NELL1: variants seen among roughly 807,000 people sequenced by gnomAD.
The protein encoded by NELL1 is protein kinase C-binding protein NELL1.
NELL1 carries 76 observed loss-of-function variants against 107.4 expected under a neutral mutation model. That is an observed-to-expected ratio of 0.71 (90% CI 0.59 to 0.86). NELL1 has a LOEUF of 0.86. NELL1 is among the 40% of genes least tolerant of loss of function. NELL1 has a pLI of 0.00. For missense variants in NELL1, 1,024 were observed against 1,005.5 expected, an observed-to-expected ratio of 1.02 and a Z score of -0.25; for synonymous variants, 353 against 341.2, an observed-to-expected ratio of 1.03 and a Z score of -0.38.
intron 3 of NELL1, among the ~76,000 whole-genome samples, chr11:20,831,162 T>G (rs1858000913): frequency 1.3e-5 from 2 of 152,210 alleles, no homozygotes; most frequent in South Asian, 4.1e-4. Context: ...CCTTCTAATA[T>G]CTAGGAAATT....
At chr11:21,528,712 C>G (rs1277504767) in intron 15 of NELL1, among the ~76,000 whole-genome samples, 1 of 151,912 alleles carries the variant, frequency 6.6e-6, no homozygotes, top group East Asian at 1.9e-4. Context: ...ATTTAAAAGC[C>G]AAAGAAAGTG....
intron 14 of NELL1, among the ~76,000 whole-genome samples, chr11:21,369,005 A>G (rs1486398110): frequency 6.6e-6 from 1 of 152,034 alleles, no homozygotes; most frequent in Non-Finnish European, 1.5e-5. Flanking sequence ...CCACTGTATC[A>G]TCATTTCTAC....
chr11:21,495,795 T>A (rs1309609397), intron 15 of NELL1, among the ~76,000 whole-genome samples: 1 of 152,178 alleles, frequency 6.6e-6, no homozygotes, highest in Non-Finnish European at 1.5e-5. Context: ...TTATTGGCCA[T>A]TTGTACATCT....
At chr11:21,063,473 C>G (rs1228376696) in intron 12 of NELL1, among the ~76,000 whole-genome samples, 1 of 152,188 alleles carries the variant, frequency 6.6e-6, no homozygotes, top group African/African-American at 2.4e-5. Flanking sequence ...TAGGCTTCTT[C>G]TTTTTGGTGA....
At chr11:20,815,468 AG>A (rs1402559924) in intron 3 of NELL1, among the ~76,000 whole-genome samples, 1 of 152,098 alleles carries the variant, frequency 6.6e-6, no homozygotes, top group Non-Finnish European at 1.5e-5. Flanking sequence ...TCTTTTAAGA[AG>A]TTTCTGTACG....
intron 14 of NELL1, among the ~76,000 whole-genome samples, chr11:21,359,176 T>C (rs997335957): frequency 6.6e-6 from 1 of 152,186 alleles, no homozygotes; most frequent in Non-Finnish European, 1.5e-5. Context: ...TTGCTGAAGG[T>C]TTTAATCATA....
chr11:20,757,516 A>G (rs1484593370), intron 2 of NELL1, among the ~76,000 whole-genome samples: 8 of 152,144 alleles, frequency 5.3e-5, no homozygotes, highest in African/African-American at 1.9e-4. Flanking sequence ...TTCTGACCCT[A>G]TATACATACC....
intron 14 of NELL1, among the ~76,000 whole-genome samples, chr11:21,259,212 C>T (rs1018100647): frequency 6.6e-6 from 1 of 151,868 alleles, no homozygotes; most frequent in East Asian, 1.9e-4. Flanking sequence ...ACACCATCTC[C>T]ACCCTTGAGG....
chr11:20,946,932 C>A (rs1220989773), intron 10 of NELL1, among the ~76,000 whole-genome samples: 1 of 152,166 alleles, frequency 6.6e-6, no homozygotes, highest in Non-Finnish European at 1.5e-5. Flanking sequence ...TACATAACTT[C>A]TGAACATTGC....
chr11:20,918,461 T>A (rs1336189785), intron 6 of NELL1, among the ~76,000 whole-genome samples: 1 of 152,028 alleles, frequency 6.6e-6, no homozygotes, highest in Non-Finnish European at 1.5e-5. Flanking sequence ...GTTTTCTCAC[T>A]GCTGATAAAG....
intron 13 of NELL1, among the ~76,000 whole-genome samples, chr11:21,119,916 G>A (rs753878740): frequency 2.0e-5 from 3 of 152,054 alleles, no homozygotes; most frequent in Non-Finnish European, 4.4e-5. Context: ...TTTAAAGGAG[G>A]ATATTTGTGA....
At chr11:21,428,687 A>T (rs1236572922) in intron 15 of NELL1, among the ~76,000 whole-genome samples, 1 of 152,188 alleles carries the variant, frequency 6.6e-6, no homozygotes, top group East Asian at 1.9e-4. Flanking sequence ...TTCACAGGTG[A>T]CTTGCTGCTG....
chr11:21,535,213 A>C (rs916009856), intron 16 of NELL1, among the ~76,000 whole-genome samples: 11 of 152,136 alleles, frequency 7.2e-5, no homozygotes, highest in African/African-American at 2.7e-4. Flanking sequence ...TACAACTTTC[A>C]TGAAATCCGA....
chr11:21,011,782 C>G (rs1274777361), intron 12 of NELL1, among the ~76,000 whole-genome samples: 1 of 152,154 alleles, frequency 6.6e-6, no homozygotes, highest in African/African-American at 2.4e-5. Context: ...TCTACCTTTT[C>G]CACAGGCCTG....
At chr11:21,255,031 AG>A (rs773078765) in intron 14 of NELL1, among the ~76,000 whole-genome samples, 1 of 152,098 alleles carries the variant, frequency 6.6e-6, no homozygotes, top group Non-Finnish European at 1.5e-5. Context: ...GCTAATTTAC[AG>A]GGTAGAATGC....
chr11:21,382,418 T>A (rs910198219), intron 15 of NELL1, among the ~76,000 whole-genome samples: 1 of 151,954 alleles, frequency 6.6e-6, no homozygotes, highest in African/African-American at 2.4e-5. Flanking sequence ...TTACATTACA[T>A]TTGAATTCAG....
At chr11:20,691,136 A>C (rs1305752683) in intron 2 of NELL1, among the ~76,000 whole-genome samples, 2 of 152,070 alleles carry the variant, frequency 1.3e-5, no homozygotes, top group Middle Eastern at 3.2e-3. Flanking sequence ...TTGATTTTGT[A>C]TCCTGAGACT....
chr11:21,511,146 T>G (rs56275614), intron 15 of NELL1, among the ~76,000 whole-genome samples: 23,084 of 151,724 alleles, frequency 0.15, 1,833 homozygotes, highest in Admixed American at 0.17. Flanking sequence ...CTAGGTGTTG[T>G]GTTATTGTTG....
chr11:21,104,159 G>C (rs530452670), intron 12 of NELL1, among the ~76,000 whole-genome samples: 1 of 152,242 alleles, frequency 6.6e-6, no homozygotes, highest in South Asian at 2.1e-4. Flanking sequence ...TGGGTTTGTT[G>C]GTACCATCAG....
Sources: allele counts gnomAD v4.1 joint callset (sites outside exome capture counted in the v4.1 genomes callset), GRCh38; gene constraint gnomAD v4.1.1; transcripts MANE v1.5; gene names NCBI Gene and HGNC (gene_info 2026-07-23, HGNC 2026-07-21).